XRN1: variants seen among roughly 807,000 people sequenced by gnomAD.
The protein encoded by XRN1 is strand-exchange protein 1 homolog.
Under a neutral mutation model 222.3 loss-of-function variants are expected in XRN1, and 67 were observed. The observed-to-expected ratio is 0.30, with a 90% CI of 0.25 to 0.37. The LOEUF (loss-of-function observed/expected upper bound fraction) is 0.37. XRN1 is among the 10% of genes least tolerant of loss of function. XRN1 has a pLI of 1.00. For synonymous variants in XRN1, 643 were observed against 652.4 expected (o/e 0.99, Z 0.22); for missense variants, 1,707 against 2,000.2 (o/e 0.85, Z 2.80).
chr3:142,372,821 C>A (rs1458136727), intron 25 of XRN1, among the ~76,000 whole-genome samples: 2 of 152,198 alleles, frequency 1.3e-5, no homozygotes, highest in Non-Finnish European at 2.9e-5. Flanking sequence ...CCACTACATT[C>A]ATATCCACTG....
rs527882535 is a variant in XRN1 at position 142,431,284 on chromosome 3, C to T, written c.308+1377G>A. On this transcript the variant is annotated intron_variant, in intron 2 of 40. Transcript: ENST00000392981. ...AACAGGGAATCAGTTTTTTTCAGTA[C>T]AGATCTAGCAACTGCACTGTAGCTT... is the stretch of plus-strand genomic sequence containing the variant. Among the ~76,000 whole-genome samples, 6 of 152,262 alleles carry T rather than the reference C, an allele frequency of 3.9e-5. No homozygotes were observed. The South Asian group carries it at 1.2e-3, about 32-fold the overall frequency.
intron 36 of XRN1, among the ~76,000 whole-genome samples, chr3:142,330,963 C>G (rs1253761338): frequency 6.6e-6 from 1 of 152,110 alleles, no homozygotes; most frequent in Non-Finnish European, 1.5e-5. Context: ...CTTGGTGGCG[C>G]CTGCCACCAC....
At position 142,332,975 on chromosome 3, in the gene XRN1, A is replaced by G. The variant is rs764290615; in HGVS notation, c.4054T>C (p.Phe1352Leu). The change falls in exon 35 of 41, where the codon TTT becomes CTT. Residue 1352 changes from phenylalanine to leucine, a missense_variant. Physicochemically the swap from Phe to Leu is conservative, Grantham distance 22 (BLOSUM62 0). Coordinates refer to ENST00000392981, the MANE Select transcript of XRN1 (RefSeq NM_001282857.2). ...PSEEHLSPQS[F>L]AMKGTRMLKE... Reference sequence around the variant, plus strand: ...TCCTACAAAATACGAACCATGGCAAATGACTGTGGTGACAAATGCTCTTCA... The same window carrying G: ...TCCTACAAAATACGAACCATGGCAAGTGACTGTGGTGACAAATGCTCTTCA... 1 of 1,613,098 alleles carries G rather than the reference A, an allele frequency of 6.2e-7. No individual in the cohort carries two copies. The highest frequency in any genetic ancestry group is 8.5e-7 in the Non-Finnish European group (1 of 1,179,594).
chr3:142,330,656 C>T (rs1206487131), intron 36 of XRN1, among the ~76,000 whole-genome samples: 1 of 150,406 alleles, frequency 6.6e-6, no homozygotes, highest in Non-Finnish European at 1.5e-5. Flanking sequence ...GACAATGGGA[C>T]CATCTTTATC....
chr3:142,347,205 C>G (rs1259753008), intron 33 of XRN1, 29 bp downstream of exon 33: 4 of 1,425,382 alleles, frequency 2.8e-6, no homozygotes, highest in East Asian at 2.3e-5. Flanking sequence ...GCAGCACACA[C>G]AAGTACACCT....
At chr3:142,316,934 T>C (rs2065226853) in intron 39 of XRN1, among the ~76,000 whole-genome samples, 1 of 152,096 alleles carries the variant, frequency 6.6e-6, no homozygotes, top group Non-Finnish European at 1.5e-5. Context: ...GAAATAAATT[T>C]GCGTATCTGA....
chr3:142,423,026 G>A (rs1162954235), intron 6 of XRN1, 104 bp from the exon 7 acceptor site: 11 of 904,152 alleles, frequency 1.2e-5, no homozygotes, highest in African/African-American at 1.0e-4. Context: ...AAGATAGTAA[G>A]GTCTTGTAAT....
At chr3:142,325,414 T>C (rs1412693128) in intron 37 of XRN1, among the ~76,000 whole-genome samples, 1 of 152,152 alleles carries the variant, frequency 6.6e-6, no homozygotes, top group Non-Finnish European at 1.5e-5. Context: ...ATTTTTATAG[T>C]TATATTTTAT....
chr3:142,342,357 G>A (rs2066019809), intron 33 of XRN1, among the ~76,000 whole-genome samples: 1 of 152,126 alleles, frequency 6.6e-6, no homozygotes, highest in Non-Finnish European at 1.5e-5. Flanking sequence ...TTGTTAAAAT[G>A]TCCTATTACT....
chr3:142,418,093 C>T (rs1230643220), intron 12 of XRN1: 1 of 170,424 alleles, frequency 5.9e-6, no homozygotes, highest in East Asian at 1.8e-4. Context: ...AAGCATCCTT[C>T]CAAATTGTTA....
At chr3:142,419,007 C>G in intron 10 of XRN1, 126 bp from the exon 11 acceptor site, 1 of 844,508 alleles carries the variant, frequency 1.2e-6, no homozygotes, top group Non-Finnish European at 1.9e-6. Flanking sequence ...TCATATCCTG[C>G]CCATCTGTTT....
intron 12 of XRN1, among the ~76,000 whole-genome samples, chr3:142,417,469 C>T (rs2068831119): frequency 6.6e-6 from 1 of 152,140 alleles, no homozygotes; most frequent in Non-Finnish European, 1.5e-5. Context: ...TTCATATTTA[C>T]TCAGTTAATG....
intron 27 of XRN1, among the ~76,000 whole-genome samples, chr3:142,366,287 A>G (rs987456187): frequency 2.6e-5 from 4 of 152,236 alleles, no homozygotes; most frequent in African/African-American, 9.6e-5. Context: ...TCTTTAGAAC[A>G]TAGCTTATGG....
chr3:142,325,718 T>C (rs2065497196), intron 37 of XRN1, among the ~76,000 whole-genome samples: 1 of 152,182 alleles, frequency 6.6e-6, no homozygotes. Flanking sequence ...CCTGTGCTTT[T>C]GATGTCTTAC....
intron 33 of XRN1, among the ~76,000 whole-genome samples, chr3:142,340,146 G>C (rs374722118): frequency 1.3e-5 from 2 of 151,882 alleles, no homozygotes; most frequent in Non-Finnish European, 2.9e-5. Context: ...ACCTGAGGTC[G>C]GGAGTTCGAG....
At chr3:142,379,457 G>A (rs1014507807) in intron 23 of XRN1, among the ~76,000 whole-genome samples, 1 of 152,162 alleles carries the variant, frequency 6.6e-6, no homozygotes, top group African/African-American at 2.4e-5. Context: ...ATATAAATCA[G>A]AAAGAACGAG....
intron 32 of XRN1, among the ~76,000 whole-genome samples, chr3:142,354,926 A>G (rs974857282): frequency 1.3e-5 from 2 of 152,234 alleles, no homozygotes; most frequent in Non-Finnish European, 2.9e-5. Context: ...CTTTGCAGCA[A>G]CATGGGTGGA....
Position 142,447,991 on chromosome 3 carries a change from C to T in XRN1, c.-47G>A. The T allele has an allele frequency of 1.3e-6, 2 of 1,597,588 alleles. No homozygotes were observed. The highest frequency in any genetic ancestry group is 2.7e-5 in the African/African-American group (2 of 74,282). On this transcript the variant is annotated 5_prime_UTR_variant, in exon 1 of 41. Transcript: ENST00000392981. The surrounding 1 kb of genome is among the most constrained non-coding windows in gnomAD (Gnocchi z 4.2). ...CAGTCAGGGCCAAACCGAAACCAAA[C>T]GCCCCGCCGGGGCTCCGCCGCAGCC...
intron 16 of XRN1, among the ~76,000 whole-genome samples, chr3:142,404,630 G>C (rs2068276746): frequency 6.6e-6 from 1 of 152,032 alleles, no homozygotes; most frequent in South Asian, 2.1e-4. Context: ...CAAAATGCAG[G>C]GATATACATT....
Sources: allele counts gnomAD v4.1 joint callset (sites outside exome capture counted in the v4.1 genomes callset), GRCh38; gene constraint gnomAD v4.1.1; non-coding constraint Gnocchi (gnomAD v3.1); transcripts MANE v1.5; gene names NCBI Gene and HGNC (gene_info 2026-07-23, HGNC 2026-07-21).